The following CSMD1 variants were observed in gnomAD, a reference collection of about 807,000 sequenced individuals.
CSMD1 encodes the protein CUB and sushi domain-containing protein 1.
CSMD1 carries 213 observed loss-of-function variants against 417.5 expected under a neutral mutation model. That is an observed-to-expected ratio of 0.51 (90% CI 0.46 to 0.57). The LOEUF is 0.57. Ranked by LOEUF, CSMD1 falls within the 20% of genes least tolerant of loss-of-function variation. The pLI is 0.00. For synonymous variants in CSMD1, 2,862 were observed against 1,736.8 expected (o/e 1.65, Z -16.11); for missense variants, 6,923 against 4,529.7 (o/e 1.53, Z -15.17).
At chr8:4,352,104 A>G (rs1448313436) in intron 3 of CSMD1, among the ~76,000 whole-genome samples, 1 of 152,172 alleles carries the variant, frequency 6.6e-6, no homozygotes, top group African/African-American at 2.4e-5. Context: ...AATACTTTGT[A>G]AATTAGAGAA....
chr8:4,379,402 T>C (rs187258873), intron 3 of CSMD1, among the ~76,000 whole-genome samples: 84 of 152,300 alleles, frequency 5.5e-4, no homozygotes, highest in African/African-American at 1.9e-3. Flanking sequence ...AAAGTGACAG[T>C]GGCAAACCTG....
chr8:4,319,927 T>C (rs902414004), intron 3 of CSMD1, among the ~76,000 whole-genome samples: 28 of 152,124 alleles, frequency 1.8e-4, no homozygotes, highest in African/African-American at 6.5e-4. Flanking sequence ...TAGGGAGTCA[T>C]CTTCAGAGCT....
At chr8:4,884,466 T>C (rs1398539357) in intron 1 of CSMD1, among the ~76,000 whole-genome samples, 1 of 152,054 alleles carries the variant, frequency 6.6e-6, no homozygotes, top group African/African-American at 2.4e-5. Context: ...TACATGCCTG[T>C]AGAGATTCAT....
Position 4,848,878 on chromosome 8 carries a change from G to A in CSMD1, c.85+145454C>T, listed in dbSNP as rs540981333. On this transcript the variant is annotated intron_variant, in intron 1 of 69. Transcript: ENST00000635120. ...ATACTTAATAATAATAAACAACTAT[G>A]TTTCTGGTTTATAGTTTTACTATAT... is the stretch of plus-strand genomic sequence containing the variant. 2.0e-4 allele frequency among the ~76,000 whole-genome samples: 30 copies of A among 152,296 alleles called. 2 individuals are homozygous for A. The South Asian group carries it at 5.8e-3, about 30-fold the overall frequency.
intron 30 of CSMD1, among the ~76,000 whole-genome samples, chr8:3,211,955 G>C (rs540144345): frequency 6.6e-6 from 1 of 152,188 alleles, no homozygotes; most frequent in East Asian, 1.9e-4. Context: ...GGCCAGGACA[G>C]GGAAGGGTGG....
chr8:4,903,421 T>A (rs540952525), intron 1 of CSMD1, among the ~76,000 whole-genome samples: 2 of 152,094 alleles, frequency 1.3e-5, no homozygotes, highest in South Asian at 4.1e-4. Context: ...GTTGAGTGAC[T>A]TTTTTTACCC....
At chr8:3,702,747 G>A (rs1027747348) in intron 7 of CSMD1, among the ~76,000 whole-genome samples, 3 of 152,180 alleles carry the variant, frequency 2.0e-5, no homozygotes, top group South Asian at 2.1e-4. Flanking sequence ...CAGGAGAATC[G>A]CTGGAACCTG....
At chr8:3,906,048 G>C (rs751041034) in intron 5 of CSMD1, among the ~76,000 whole-genome samples, 21 of 152,126 alleles carry the variant, frequency 1.4e-4, no homozygotes, top group Non-Finnish European at 1.8e-4. Flanking sequence ...TAAATAGCGA[G>C]AGGAGGTGAA....
chr8:3,832,462 T>A (rs1802432026), intron 5 of CSMD1, among the ~76,000 whole-genome samples: 1 of 152,212 alleles, frequency 6.6e-6, no homozygotes, highest in Non-Finnish European at 1.5e-5. Context: ...AGATAAGATT[T>A]TTTGTTTCTT....
chr8:4,175,963 T>C (rs2131156102), intron 3 of CSMD1, among the ~76,000 whole-genome samples: 1 of 152,278 alleles, frequency 6.6e-6, no homozygotes, highest in South Asian at 2.1e-4. Flanking sequence ...ATGGGGCAGC[T>C]GGGCTTCTCT....
chr8:4,012,361 A>G (rs1585130165), intron 4 of CSMD1, among the ~76,000 whole-genome samples: 2 of 152,232 alleles, frequency 1.3e-5, no homozygotes, highest in Non-Finnish European at 2.9e-5. Flanking sequence ...CTCTTCCTAA[A>G]TACATTCATT....
intron 1 of CSMD1, among the ~76,000 whole-genome samples, chr8:4,650,021 A>G (rs1477756289): frequency 1.3e-5 from 2 of 152,170 alleles, no homozygotes; most frequent in African/African-American, 4.8e-5. Flanking sequence ...ATTAGAATTT[A>G]TCATGTCTGG....
chr8:4,178,628 A>C (rs1798187354), intron 3 of CSMD1, among the ~76,000 whole-genome samples: 1 of 152,086 alleles, frequency 6.6e-6, no homozygotes, highest in Middle Eastern at 3.2e-3. Context: ...TTAGGAAAAG[A>C]GGAAGTCAAA....
chr8:4,172,164 G>A (rs976580329), intron 3 of CSMD1, among the ~76,000 whole-genome samples: 1 of 152,078 alleles, frequency 6.6e-6, no homozygotes, highest in African/African-American at 2.4e-5. Context: ...CCTAAGAGAA[G>A]TGTTTGTGCC....
intron 3 of CSMD1, among the ~76,000 whole-genome samples, chr8:4,175,369 G>C (rs752090604): frequency 6.6e-6 from 1 of 151,970 alleles, no homozygotes; most frequent in Non-Finnish European, 1.5e-5. Context: ...AACAGTGTTG[G>C]GCTCTAGTCT....
chr8:4,371,972 T>G (rs906213991), intron 3 of CSMD1, among the ~76,000 whole-genome samples: 2 of 152,160 alleles, frequency 1.3e-5, no homozygotes, highest in African/African-American at 4.8e-5. Context: ...CTCATTGCCG[T>G]GATGGAAATG....
At chr8:3,330,633 A>G (rs376926433) in intron 23 of CSMD1, among the ~76,000 whole-genome samples, 18 of 152,300 alleles carry the variant, frequency 1.2e-4, no homozygotes, top group African/African-American at 3.8e-4. Context: ...ATCAGCAAAC[A>G]TAACTAATGG....
intron 3 of CSMD1, among the ~76,000 whole-genome samples, chr8:4,034,498 G>C (rs547632350): frequency 6.6e-6 from 1 of 152,088 alleles, no homozygotes; most frequent in African/African-American, 2.4e-5. Context: ...AAGCAAACAT[G>C]TGTGCTGTTT....
At chr8:3,292,486 A>G (rs76538261) in intron 25 of CSMD1, among the ~76,000 whole-genome samples, 8,918 of 152,134 alleles carry the variant, frequency 0.059, 706 homozygotes, top group African/African-American at 0.18. Context: ...GTGTCTAAGG[A>G]CTTGCTTCAA....
Sources: allele counts gnomAD v4.1 joint callset (sites outside exome capture counted in the v4.1 genomes callset), GRCh38; gene constraint gnomAD v4.1.1; transcripts MANE v1.5; gene names NCBI Gene and HGNC (gene_info 2026-07-23, HGNC 2026-07-21).